Variants in PRKCE observed in about 807,000 individuals in gnomAD.
PRKCE encodes the protein protein kinase C epsilon type.
A neutral mutation model predicts 85.4 loss-of-function variants in PRKCE; 16 were observed. The observed-to-expected ratio is 0.19, with a 90% CI of 0.13 to 0.28. PRKCE has a LOEUF of 0.28. PRKCE is among the 10% of genes least tolerant of loss of function. PRKCE has a pLI of 1.00. For synonymous variants in PRKCE, 388 were observed against 371.5 expected (o/e 1.04, Z -0.51); for missense variants, 573 against 975.2 (o/e 0.59, Z 5.49).
intron 1 of PRKCE, among the ~76,000 whole-genome samples, chr2:45,839,135 ATTTT>A (rs142131154): frequency 5.4e-4 from 82 of 150,926 alleles, no homozygotes; most frequent in African/African-American, 1.9e-3. Flanking sequence ...TAAAAAAAAA[ATTTT>A]TTTTTTTAAC....
intron 2 of PRKCE, among the ~76,000 whole-genome samples, chr2:45,934,036 C>T (rs1330798157): frequency 6.6e-6 from 1 of 152,130 alleles, no homozygotes; most frequent in Non-Finnish European, 1.5e-5. Flanking sequence ...GAGATTTCCA[C>T]CAAAGTTCCA....
At chr2:45,959,602 G>A (rs896830922) in intron 2 of PRKCE, among the ~76,000 whole-genome samples, 7 of 152,126 alleles carry the variant, frequency 4.6e-5, no homozygotes, top group African/African-American at 1.4e-4. Context: ...TGTTCCTGCT[G>A]GGCACAGGAT....
intron 1 of PRKCE, among the ~76,000 whole-genome samples, chr2:45,709,995 G>A (rs1558581462): frequency 6.6e-6 from 1 of 152,148 alleles, no homozygotes; most frequent in South Asian, 2.1e-4. Flanking sequence ...TTATTTAGTA[G>A]AGATGGGGTT....
intron 14 of PRKCE, chr2:46,160,076 A>C: frequency 3.7e-6 from 1 of 272,934 alleles, no homozygotes; most frequent in East Asian, 1.2e-4. Context: ...GTAGAGACAT[A>C]AGGTTTCTTT....
At chr2:46,052,931 A>C (rs762796230) in intron 10 of PRKCE, among the ~76,000 whole-genome samples, 1 of 152,248 alleles carries the variant, frequency 6.6e-6, no homozygotes, top group Non-Finnish European at 1.5e-5. Flanking sequence ...AATGGTACTG[A>C]GACATTTAGT....
chr2:45,933,890 G>A (rs1699247756), intron 2 of PRKCE, among the ~76,000 whole-genome samples: 1 of 152,170 alleles, frequency 6.6e-6, no homozygotes, highest in South Asian at 2.1e-4. Flanking sequence ...CTTGGTAACA[G>A]GGTCGGGGGA....
intron 11 of PRKCE, among the ~76,000 whole-genome samples, chr2:46,094,266 T>C (rs10167900): frequency 0.72 from 109,343 of 151,780 alleles, 40,825 homozygotes; most frequent in East Asian, 0.89. Flanking sequence ...GTTCCAGTAT[T>C]CCTTGCCTTC....
rs539831506 is a variant in PRKCE, at chr2:46,155,710, G to T, written c.1921-3896G>T. 2.0e-4 allele frequency among the ~76,000 whole-genome samples: 30 copies of T among 152,196 alleles called. No homozygotes were observed. The East Asian group carries it at 4.3e-3, about 22-fold the overall frequency. On this transcript the variant is annotated intron_variant, in intron 13 of 14. Coordinates refer to ENST00000306156, the MANE Select transcript of PRKCE (RefSeq NM_005400.3). This position sits in a 1 kb window ranked among gnomAD's most constrained non-coding sequence, Gnocchi z 4.7. ...CCTTTCTAAACAGACCAGAAATGGG[G>T]TGCAATCCCTCTCTCCCCATCACAG... is the stretch of plus-strand genomic sequence containing the variant.
intron 10 of PRKCE, among the ~76,000 whole-genome samples, chr2:46,042,619 C>T (rs1018789983): frequency 2.0e-5 from 3 of 152,202 alleles, no homozygotes; most frequent in African/African-American, 7.2e-5. Context: ...GGTCCTTCTA[C>T]TTAATTTCAA....
chr2:46,112,501 TTGTTTG>T (rs1340399082), intron 11 of PRKCE, among the ~76,000 whole-genome samples: 1 of 49,554 alleles, frequency 2.0e-5, no homozygotes, highest in Non-Finnish European at 6.5e-5. Flanking sequence ...GGTTTTTTTT[TTGTTTG>T]TTTGTTTGTT....
chr2:46,184,549 G>T lies in PRKCE; in HGVS notation c.2068-186G>T, dbSNP rs763459026. Among the ~76,000 whole-genome samples, 6 of 151,316 alleles carry T rather than the reference G, an allele frequency of 4.0e-5. No individual in the cohort carries two copies. Among genetic ancestry groups the T allele is most frequent in the Non-Finnish European group, 7.4e-5 (5 of 67,914 alleles). On this transcript the variant is annotated intron_variant, in intron 14 of 14. Transcript: ENST00000306156. This position sits in a 1 kb window ranked among gnomAD's most constrained non-coding sequence, Gnocchi z 5.0. ...ACCTTGACTCATTCTTCCTCTCCTC[G>T]TCTCTCACCTCCGGGTCCTGGGGCC...
chr2:46,136,688 C>T (rs1043144172), intron 11 of PRKCE, among the ~76,000 whole-genome samples: 1 of 152,180 alleles, frequency 6.6e-6, no homozygotes, highest in African/African-American at 2.4e-5. Context: ...TGGAAGCTGT[C>T]GCATGAATCC....
chr2:46,169,983 G>T (rs1424349553), intron 14 of PRKCE, among the ~76,000 whole-genome samples: 1 of 152,202 alleles, frequency 6.6e-6, no homozygotes, highest in Non-Finnish European at 1.5e-5. Flanking sequence ...CCTGTAAAAT[G>T]AGGGACTTAA....
intron 1 of PRKCE, among the ~76,000 whole-genome samples, chr2:45,673,494 G>T (rs555226425): frequency 5.3e-5 from 8 of 152,290 alleles, no homozygotes; most frequent in African/African-American, 1.9e-4. Context: ...ATCTCTTGAT[G>T]TCATTTGGGA....
At chr2:46,050,282 T>C (rs1174398983) in intron 10 of PRKCE, among the ~76,000 whole-genome samples, 1 of 152,258 alleles carries the variant, frequency 6.6e-6, no homozygotes, top group African/African-American at 2.4e-5. Flanking sequence ...GTTTATGAAA[T>C]GTAAGTAAAC....
At chr2:45,726,081 G>A (rs576827017) in intron 1 of PRKCE, among the ~76,000 whole-genome samples, 12 of 152,312 alleles carry the variant, frequency 7.9e-5, no homozygotes, top group Non-Finnish European at 1.3e-4. Context: ...AAACTTGAAC[G>A]GATGAGGAGT....
At chr2:45,869,817 C>T (rs909538841) in intron 2 of PRKCE, among the ~76,000 whole-genome samples, 1 of 146,340 alleles carries the variant, frequency 6.8e-6, no homozygotes, top group Admixed American at 7.3e-5. Context: ...AAGCAATTCT[C>T]CTGGCTCAGC....
intron 1 of PRKCE, among the ~76,000 whole-genome samples, chr2:45,706,756 A>C (rs748159063): frequency 3.9e-5 from 6 of 152,198 alleles, no homozygotes; most frequent in Non-Finnish European, 2.9e-5. Context: ...TGTGTGTAAG[A>C]GAATCTAAGA....
intron 1 of PRKCE, among the ~76,000 whole-genome samples, chr2:45,674,339 C>T (rs1289868371): frequency 6.6e-6 from 1 of 152,076 alleles, no homozygotes; most frequent in East Asian, 1.9e-4. Context: ...GTGGAGGAGG[C>T]CTTCCTTTAT....
Sources: gnomAD v4.1 joint callset for allele counts (sites outside exome capture counted in the v4.1 genomes callset) on GRCh38, gnomAD v4.1.1 for gene constraint, Gnocchi (gnomAD v3.1) non-coding constraint, MANE v1.5 for transcripts, NCBI Gene and HGNC (gene_info 2026-07-23, HGNC 2026-07-21) for gene names.